PARD3B: variants seen among roughly 807,000 people sequenced by gnomAD.
PARD3B encodes partitioning defective 3 homolog B.
PARD3B carries 103 observed loss-of-function variants against 130.2 expected under a neutral mutation model. That is an observed-to-expected ratio of 0.79 (90% CI 0.67 to 0.93). The LOEUF is 0.93. Ranked by LOEUF, PARD3B falls within the 40% of genes least tolerant of loss-of-function variation. The pLI is 0.00. For missense variants in PARD3B, 1,609 were observed against 1,499.2 expected (o/e 1.07, Z -1.21); for synonymous variants, 583 against 553.2 (o/e 1.05, Z -0.76).
chr2:205,542,354 T>TGTGTGTG (rs1553540489), intron 21 of PARD3B, among the ~76,000 whole-genome samples: 2 of 145,106 alleles, frequency 1.4e-5, no homozygotes, highest in African/African-American at 5.2e-5. Context: ...TAGTTTGTGT[T>TGTGTGTG]TGTGTGTGTG....
rs551119275 is a variant in PARD3B, at chr2:205,206,496, C to T, written c.2140+13176C>T. The stretch of plus-strand genomic sequence containing the variant: ...GTTTTCTGTTCTTGCGATAGTTTAC[C>T]GAGAATGATGATTTCCAATTTCATC... On this transcript the variant is annotated intron_variant, in intron 15 of 22. Transcript: ENST00000406610. Among the ~76,000 whole-genome samples, 1,096 of 150,804 alleles carry T rather than the reference C, an allele frequency of 7.3e-3. 16 individuals are homozygous for T. The highest frequency in any genetic ancestry group is 0.014 in the Middle Eastern group (4 of 290).
Position 204,559,420 on chromosome 2 carries a change from C to T in PARD3B, c.120+13301C>T, listed in dbSNP as rs544318505. ...TCTCAAAAGAAGACATTTATGCAGC[C>T]AACAGACACATGAAATAATGCTTGT... On this transcript the variant is annotated intron_variant, in intron 1 of 22. Transcript: ENST00000406610. Among the ~76,000 whole-genome samples, 8 of 152,258 alleles carry T rather than the reference C, an allele frequency of 5.3e-5. No homozygotes were observed. In the South Asian group the frequency reaches 1.2e-3, roughly 24 times the overall value.
At chr2:204,828,952 GC>G (rs2043697092) in intron 2 of PARD3B, among the ~76,000 whole-genome samples, 1 of 152,176 alleles carries the variant, frequency 6.6e-6, no homozygotes, top group Non-Finnish European at 1.5e-5. Context: ...AAGGGCCTGT[GC>G]ATTCCAGCCT....
At chr2:205,477,004 G>T (rs569742882) in intron 20 of PARD3B, among the ~76,000 whole-genome samples, 1 of 152,312 alleles carries the variant, frequency 6.6e-6, no homozygotes, top group South Asian at 2.1e-4. Context: ...TTTGTGGGTA[G>T]ATTCCAAATT....
intron 1 of PARD3B, among the ~76,000 whole-genome samples, chr2:204,602,339 CTT>C (rs1395720187): frequency 6.6e-6 from 1 of 151,988 alleles, no homozygotes. Flanking sequence ...ATTTGACCGT[CTT>C]TTAATTTTCA....
At chr2:205,165,914 A>T (rs1004981523) in intron 11 of PARD3B, among the ~76,000 whole-genome samples, 1 of 152,140 alleles carries the variant, frequency 6.6e-6, no homozygotes, top group African/African-American at 2.4e-5. Context: ...TAGGGGCAGT[A>T]TACAGAACGT....
chr2:204,976,586 A>G (rs1692177583), intron 3 of PARD3B, among the ~76,000 whole-genome samples: 1 of 148,950 alleles, frequency 6.7e-6, no homozygotes, highest in African/African-American at 2.5e-5. Context: ...AAAAAACTCC[A>G]TGTATTTAGG....
At chr2:205,182,198 A>G (rs1337428036) in intron 13 of PARD3B, among the ~76,000 whole-genome samples, 1 of 152,126 alleles carries the variant, frequency 6.6e-6, no homozygotes, top group Non-Finnish European at 1.5e-5. Flanking sequence ...AGGCTGAGGC[A>G]GGAGAATGGC....
intron 14 of PARD3B, among the ~76,000 whole-genome samples, chr2:205,186,864 C>T (rs1319205342): frequency 1.3e-5 from 2 of 152,042 alleles, no homozygotes; most frequent in Non-Finnish European, 2.9e-5. Context: ...TTGCCTGCCT[C>T]GATTCTGAAT....
chr2:205,361,549 G>A (rs1307031257), intron 18 of PARD3B, among the ~76,000 whole-genome samples: 1 of 152,124 alleles, frequency 6.6e-6, no homozygotes, highest in East Asian at 1.9e-4. Context: ...CATTGCCTAA[G>A]CCTAAACCAT....
At chr2:204,804,977 T>C (rs1392105801) in intron 2 of PARD3B, among the ~76,000 whole-genome samples, 2 of 151,814 alleles carry the variant, frequency 1.3e-5, no homozygotes, top group African/African-American at 4.8e-5. Context: ...AAAGCAGTAT[T>C]AAGAGAAAAG....
intron 16 of PARD3B, among the ~76,000 whole-genome samples, chr2:205,289,021 T>C (rs1433589274): frequency 6.6e-6 from 1 of 152,220 alleles, no homozygotes; most frequent in Non-Finnish European, 1.5e-5. Context: ...TGGGTTAGTC[T>C]GATGGAGAAG....
chr2:204,752,760 C>G (rs1416095301), intron 2 of PARD3B, among the ~76,000 whole-genome samples: 3 of 152,252 alleles, frequency 2.0e-5, no homozygotes, highest in South Asian at 4.1e-4. Context: ...AATGGCCTAT[C>G]TCCCATTCCC....
chr2:205,216,774 A>G lies in PARD3B; in HGVS notation c.2140+23454A>G, dbSNP rs140223070. On this transcript the variant is annotated intron_variant, in intron 15 of 22. Coordinates refer to ENST00000406610, the MANE Select transcript of PARD3B (RefSeq NM_001302769.2). ...TTTATCAGTTAAAATAGCATTAGCT[A>G]CGAGCACATTCCACTGCAATGCTCA... is the stretch of plus-strand genomic sequence containing the variant. Among the ~76,000 whole-genome samples the G allele has an allele frequency of 2.4e-3, 372 of 152,320 alleles. 1 individual carries two copies. Among genetic ancestry groups the G allele is most frequent in the Non-Finnish European group, 4.7e-3 (318 of 68,026 alleles).
rs182516759 is a variant in PARD3B, at chr2:204,964,040, C to T, written c.223-1112C>T. On this transcript the variant is annotated intron_variant, in intron 2 of 22. Coordinates refer to ENST00000406610, the MANE Select transcript of PARD3B (RefSeq NM_001302769.2). ...GCATTTCTGTTATTAATAATATTGC[C>T]AACAGGGTTCCCCTATGACTGGGGC... 2.4e-4 allele frequency among the ~76,000 whole-genome samples: 36 copies of T among 152,282 alleles called. No homozygotes were observed. In the East Asian group the frequency reaches 6.9e-3, roughly 29 times the overall value.
chr2:205,246,279 A>G, intron 16 of PARD3B, among the ~76,000 whole-genome samples: 1 of 149,970 alleles, frequency 6.7e-6, no homozygotes, highest in South Asian at 2.1e-4. Context: ...GGATTGTTCC[A>G]GGGATGTATG....
In PARD3B at chr2:205,170,570, G is replaced by C. The variant is rs144648854; in HGVS notation, c.1621-1641G>C. Among the ~76,000 whole-genome samples, 231 of 152,164 alleles carry C rather than the reference G, an allele frequency of 1.5e-3. 1 individual carries two copies. The highest frequency in any genetic ancestry group is 2.9e-3 in the Admixed American group (45 of 15,286). The stretch of plus-strand genomic sequence containing the variant: ...GTGGCTAACACCCTCTCCAGCAGGC[G>C]GCGTGGGCAGTGTGTCTTCACCAGG... On this transcript the variant is annotated intron_variant, in intron 11 of 22. Transcript: ENST00000406610.
At chr2:205,061,189 A>G (rs564468617) in intron 4 of PARD3B, among the ~76,000 whole-genome samples, 1 of 152,304 alleles carries the variant, frequency 6.6e-6, no homozygotes, top group East Asian at 1.9e-4. Context: ...ATCATAAATA[A>G]TAACCCAGGA....
chr2:205,445,289 C>T (rs1054333914), intron 20 of PARD3B, among the ~76,000 whole-genome samples: 2 of 152,124 alleles, frequency 1.3e-5, no homozygotes, highest in African/African-American at 2.4e-5. Flanking sequence ...TCCTGCTTGA[C>T]GAATGTATTA....
Sources: gnomAD v4.1 joint callset for allele counts (sites outside exome capture counted in the v4.1 genomes callset) on GRCh38, gnomAD v4.1.1 for gene constraint, MANE v1.5 for transcripts, NCBI Gene and HGNC (gene_info 2026-07-23, HGNC 2026-07-21) for gene names.